The following DLGAP2 variants were observed in gnomAD, a reference collection of about 807,000 sequenced individuals.
DLGAP2 encodes the protein disks large-associated protein 2.
In DLGAP2, 26 loss-of-function variants were observed where a neutral mutation model predicts 100.3. That is an observed-to-expected ratio of 0.26 (90% CI 0.19 to 0.36). The LOEUF (loss-of-function observed/expected upper bound fraction) is 0.36. DLGAP2 is among the 10% of genes least tolerant of loss of function. The pLI, the probability that DLGAP2 is intolerant of heterozygous loss-of-function variation, is 1.00. For missense variants in DLGAP2, 1,858 were observed against 1,453.2 expected (o/e 1.28, Z -4.53); for synonymous variants, 886 against 630.1 (o/e 1.41, Z -6.08).
At chr8:824,076 TC>T (rs1195667796) in intron 1 of DLGAP2, among the ~76,000 whole-genome samples, 1 of 152,076 alleles carries the variant, frequency 6.6e-6, no homozygotes, top group East Asian at 1.9e-4. Flanking sequence ...TCTTCCTTTT[TC>T]CTTCTTCTTT....
chr8:1,040,378 T>C (rs542035536), intron 2 of DLGAP2, among the ~76,000 whole-genome samples: 1 of 108,940 alleles, frequency 9.2e-6, no homozygotes, highest in Non-Finnish European at 1.9e-5. Flanking sequence ...TCAGCTTGGT[T>C]TCCGTGGTCA....
At position 1,514,820 on chromosome 8, in the gene DLGAP2, C is replaced by T. The variant is rs544381328; in HGVS notation, c.172+13389C>T. 9.2e-5 allele frequency among the ~76,000 whole-genome samples: 14 copies of T among 152,280 alleles called. No homozygotes were observed. In the South Asian group the frequency reaches 1.7e-3, roughly 18 times the overall value. On this transcript the variant is annotated intron_variant, in intron 4 of 14. Transcript: ENST00000637795. ...CAGGAAAGGAAGGCCGGCCTGAGTC[C>T]GGAGGGTGGCGCTCAGCGTGATGCC...
At chr8:1,003,215 C>T (rs534081875) in intron 2 of DLGAP2, 6 of 152,378 alleles carry the variant, frequency 3.9e-5, no homozygotes, top group Non-Finnish European at 7.3e-5. Flanking sequence ...AAGCCCTCCT[C>T]TGCTTACCCT....
intron 3 of DLGAP2, among the ~76,000 whole-genome samples, chr8:1,305,812 C>G (rs1997552): frequency 0.026 from 4,017 of 152,244 alleles, 153 homozygotes; most frequent in African/African-American, 0.08. Flanking sequence ...CCGCCCCACT[C>G]AACAGCAGAT....
At chr8:1,081,204 C>T (rs1803796647) in intron 2 of DLGAP2, among the ~76,000 whole-genome samples, 5 of 152,024 alleles carry the variant, frequency 3.3e-5, no homozygotes, top group South Asian at 2.1e-4. Context: ...CATATCTCAC[C>T]GGGTTAAAGG....
intron 2 of DLGAP2, among the ~76,000 whole-genome samples, chr8:914,792 A>G (rs1466316363): frequency 6.6e-6 from 1 of 152,234 alleles, no homozygotes; most frequent in East Asian, 1.9e-4. Context: ...GAGAGGGTTC[A>G]TGACTAAACC....
intron 4 of DLGAP2, among the ~76,000 whole-genome samples, chr8:1,515,927 G>A (rs1314782952): frequency 2.0e-5 from 3 of 152,254 alleles, no homozygotes; most frequent in Non-Finnish European, 4.4e-5. Context: ...TAATGGATGA[G>A]TGAGTGAATG....
intron 2 of DLGAP2, among the ~76,000 whole-genome samples, chr8:927,752 A>G (rs1314120975): frequency 6.6e-6 from 1 of 152,176 alleles, no homozygotes; most frequent in Non-Finnish European, 1.5e-5. Flanking sequence ...GTATGGGGTT[A>G]GAGTTGGGAA....
chr8:1,300,495 G>C (rs944582857), intron 3 of DLGAP2: 2 of 152,250 alleles, frequency 1.3e-5, no homozygotes, highest in African/African-American at 4.8e-5. Flanking sequence ...GCCATGCTTC[G>C]TACTTGTCAA....
At chr8:1,336,993 G>C (rs971600068) in intron 3 of DLGAP2, among the ~76,000 whole-genome samples, 3 of 152,202 alleles carry the variant, frequency 2.0e-5, no homozygotes, top group African/African-American at 7.2e-5. Flanking sequence ...ATATGGGAGT[G>C]AGGAGCAGAG....
At chr8:1,590,105 C>T (rs954560149) in intron 6 of DLGAP2, among the ~76,000 whole-genome samples, 7 of 152,158 alleles carry the variant, frequency 4.6e-5, no homozygotes, top group African/African-American at 1.7e-4. Context: ...TCGGCCTCTG[C>T]CTCCCAGGAC....
At chr8:895,582 C>T (rs1282401615) in intron 1 of DLGAP2, among the ~76,000 whole-genome samples, 3 of 152,168 alleles carry the variant, frequency 2.0e-5, no homozygotes, top group Non-Finnish European at 4.4e-5. Flanking sequence ...GCCTTCAGGC[C>T]CTTTAACGAT....
In DLGAP2 at chr8:1,557,311, G is replaced by T. The variant is rs577266209; in HGVS notation, c.1230+7628G>T. ...GGGCTCACAATAGGGGCTTTCCATGGAAATAAATGGCTATAACTGTGCCTG... is the reference window on the plus strand; with the variant it reads ...GGGCTCACAATAGGGGCTTTCCATGTAAATAAATGGCTATAACTGTGCCTG... On this transcript the variant is annotated intron_variant, in intron 5 of 14. Coordinates refer to ENST00000637795, the MANE Select transcript of DLGAP2 (RefSeq NM_001346810.2). 1.9e-3 allele frequency among the ~76,000 whole-genome samples: 290 copies of T among 152,220 alleles called. 2 individuals are homozygous for T. Among genetic ancestry groups the T allele is most frequent in the African/African-American group, 6.5e-3 (271 of 41,528 alleles).
At chr8:870,722 C>A (rs1036269526) in intron 1 of DLGAP2, among the ~76,000 whole-genome samples, 2 of 152,186 alleles carry the variant, frequency 1.3e-5, no homozygotes, top group Non-Finnish European at 2.9e-5. Flanking sequence ...CCTCAGCACC[C>A]CAGCACATTC....
intron 2 of DLGAP2, among the ~76,000 whole-genome samples, chr8:1,012,654 C>G (rs115618577): frequency 0.032 from 4,280 of 134,728 alleles, 269 homozygotes; most frequent in African/African-American, 0.11. Context: ...CCGACCAGCC[C>G]CCCACTTCAG....
At chr8:1,529,244 C>T (rs1800902313) in intron 4 of DLGAP2, among the ~76,000 whole-genome samples, 1 of 152,194 alleles carries the variant, frequency 6.6e-6, no homozygotes, top group African/African-American at 2.4e-5. Context: ...ACCATCAGAT[C>T]TTGTGAGATC....
intron 1 of DLGAP2, among the ~76,000 whole-genome samples, chr8:780,926 G>C (rs1476645014): frequency 6.6e-6 from 1 of 152,172 alleles, no homozygotes; most frequent in East Asian, 1.9e-4. Context: ...AGTATACCAA[G>C]ATATATTTGC....
At chr8:873,156 A>T (rs1797630623) in intron 1 of DLGAP2, among the ~76,000 whole-genome samples, 1 of 152,246 alleles carries the variant, frequency 6.6e-6, no homozygotes. Context: ...CATGAATAGT[A>T]TTAAAACTGA....
At chr8:1,204,954 C>T (rs1194217871) in intron 2 of DLGAP2, among the ~76,000 whole-genome samples, 2 of 152,248 alleles carry the variant, frequency 1.3e-5, no homozygotes, top group South Asian at 2.1e-4. Flanking sequence ...GGTCCTCCAG[C>T]AGGATTAATT....
Sources: gnomAD v4.1 joint callset for allele counts (sites outside exome capture counted in the v4.1 genomes callset) on GRCh38, gnomAD v4.1.1 for gene constraint, MANE v1.5 for transcripts, NCBI Gene and HGNC (gene_info 2026-07-23, HGNC 2026-07-21) for gene names.